The following DNAJC1 variants were observed in gnomAD, a reference collection of about 807,000 sequenced individuals.
DNAJC1 encodes the protein DnaJ heat shock protein family (Hsp40) member C1, also known as dnaJ homolog subfamily C member 1.
DNAJC1 carries 58 observed loss-of-function variants against 76.6 expected under a neutral mutation model. The ratio of observed to expected loss-of-function variants is 0.76; its 90% CI spans 0.61 to 0.94. The LOEUF (loss-of-function observed/expected upper bound fraction) is 0.94, where lower values mean the gene tolerates loss of function less well. Ranked by LOEUF, DNAJC1 falls within the 40% of genes least tolerant of loss-of-function variation. The pLI, the probability that DNAJC1 is intolerant of heterozygous loss-of-function variation, is 0.00. For synonymous variants in DNAJC1, 258 were observed against 267.9 expected, an observed-to-expected ratio of 0.96 and a Z score of 0.36; for missense variants, 689 against 677.3, an observed-to-expected ratio of 1.02 and a Z score of -0.19.
chr10:21,856,630 A>T (rs1156672854), intron 8 of DNAJC1, among the ~76,000 whole-genome samples: 1 of 152,084 alleles, frequency 6.6e-6, no homozygotes, highest in Admixed American at 6.6e-5. Context: ...CAACACACTC[A>T]TGGTATATTC....
At chr10:21,910,291 T>C (rs1836833278) in intron 6 of DNAJC1, among the ~76,000 whole-genome samples, 1 of 152,074 alleles carries the variant, frequency 6.6e-6, no homozygotes, top group Non-Finnish European at 1.5e-5. Context: ...AATATTTATA[T>C]TTTTAGTAAG....
chr10:21,810,137 G>A (rs1418110844), intron 8 of DNAJC1, among the ~76,000 whole-genome samples: 1 of 151,916 alleles, frequency 6.6e-6, no homozygotes, highest in African/African-American at 2.4e-5. Flanking sequence ...TGAATTTGGG[G>A]GCACACAATT....
At chr10:21,941,286 A>AAG (rs1554898754) in intron 1 of DNAJC1, among the ~76,000 whole-genome samples, 6 of 149,548 alleles carry the variant, frequency 4.0e-5, no homozygotes, top group Non-Finnish European at 7.4e-5. Context: ...AAAAAAAAAA[A>AAG]AAAAAACAGA....
intron 8 of DNAJC1, among the ~76,000 whole-genome samples, chr10:21,809,561 T>A (rs995981543): frequency 1.3e-5 from 2 of 151,206 alleles, no homozygotes; most frequent in Admixed American, 1.3e-4. Context: ...TAGATATACA[T>A]AACACATTAG....
At chr10:21,968,291 T>C (rs971634300) in intron 1 of DNAJC1, among the ~76,000 whole-genome samples, 3 of 152,194 alleles carry the variant, frequency 2.0e-5, no homozygotes, top group Non-Finnish European at 2.9e-5. Flanking sequence ...TTAAGCAGTG[T>C]ATTTTACATA....
chr10:21,885,389 T>C (rs1044087785), intron 7 of DNAJC1, among the ~76,000 whole-genome samples: 1 of 152,184 alleles, frequency 6.6e-6, no homozygotes, highest in Non-Finnish European at 1.5e-5. Flanking sequence ...ACATTAATAG[T>C]TGAAGACTTC....
intron 1 of DNAJC1, among the ~76,000 whole-genome samples, chr10:21,985,644 T>C (rs1165010548): frequency 6.6e-6 from 1 of 152,226 alleles, no homozygotes; most frequent in Non-Finnish European, 1.5e-5. Context: ...ATCCTTTCAC[T>C]TAACATAATG....
chr10:21,787,392 GAAGAA>G (rs931208616), intron 9 of DNAJC1, among the ~76,000 whole-genome samples: 28 of 151,744 alleles, frequency 1.8e-4, no homozygotes, highest in African/African-American at 6.8e-4. Flanking sequence ...AAAGAAGAAA[GAAGAA>G]AAGAAGGAAG....
chr10:21,932,988 T>C (rs766010035), intron 1 of DNAJC1, among the ~76,000 whole-genome samples: 1 of 152,106 alleles, frequency 6.6e-6, no homozygotes, highest in African/African-American at 2.4e-5. Flanking sequence ...TCTATAAGTA[T>C]AGAAAAAAGC....
At chr10:21,847,493 G>A (rs959153895) in intron 8 of DNAJC1, among the ~76,000 whole-genome samples, 3 of 152,014 alleles carry the variant, frequency 2.0e-5, no homozygotes, top group African/African-American at 7.2e-5. Context: ...ACAAATTACT[G>A]TTAACTATGG....
intron 8 of DNAJC1, among the ~76,000 whole-genome samples, chr10:21,851,563 G>A (rs1255892382): frequency 7.2e-5 from 11 of 152,152 alleles, no homozygotes. Context: ...CGGCTGCAGT[G>A]GAAAACAGGT....
intron 8 of DNAJC1, among the ~76,000 whole-genome samples, chr10:21,847,567 A>C (rs948932027): frequency 6.6e-6 from 1 of 152,116 alleles, no homozygotes; most frequent in Non-Finnish European, 1.5e-5. Context: ...GCAACCGCTA[A>C]CCAGCCTCTC....
At chr10:21,929,726 T>C (rs1837190157) in intron 1 of DNAJC1, among the ~76,000 whole-genome samples, 1 of 152,180 alleles carries the variant, frequency 6.6e-6, no homozygotes, top group Non-Finnish European at 1.5e-5. Flanking sequence ...ATTTACTTAG[T>C]ACTTTAAAGG....
intron 6 of DNAJC1, 69 bp from the exon 7 acceptor site, chr10:21,904,681 C>CT (rs1836714585): frequency 9.9e-7 from 1 of 1,007,816 alleles, no homozygotes; most frequent in Non-Finnish European, 1.5e-6. Context: ...TTCCATGTAA[C>CT]TTAACTTTAA....
intron 6 of DNAJC1, among the ~76,000 whole-genome samples, chr10:21,909,935 T>C (rs530886735): frequency 4.6e-5 from 7 of 152,156 alleles, no homozygotes; most frequent in Non-Finnish European, 1.0e-4. Context: ...GGTCTATCAG[T>C]CTACCGTGAT....
intron 1 of DNAJC1, among the ~76,000 whole-genome samples, chr10:21,992,974 C>T (rs1414273054): frequency 6.6e-6 from 1 of 152,174 alleles, no homozygotes; most frequent in Non-Finnish European, 1.5e-5. Context: ...GATTTCGTCT[C>T]TATCTAAATT....
chr10:21,978,410 T>A (rs1432391820), intron 1 of DNAJC1, among the ~76,000 whole-genome samples: 1 of 152,130 alleles, frequency 6.6e-6, no homozygotes, highest in Non-Finnish European at 1.5e-5. Context: ...GATTAGCAAG[T>A]GAAAAGATTG....
At position 21,759,441 on chromosome 10, in the gene DNAJC1, G is replaced by A; in HGVS notation, c.1325C>T (p.Pro442Leu). ...EQETGATDAR[P>L]RRRKPARLLE... ...CAGCCTGGCTGGCTTCCGCCTCCGA[G>A]GCCGGGCATCAGTGGCCCCGGTCTC... Residue 442 changes from proline (P) to leucine (L), a missense_variant, in exon 11 of 12, where the codon CCT becomes CTT. By Grantham distance (98) the Pro-to-Leu change is moderately conservative. Coordinates refer to ENST00000376980, the MANE Select transcript of DNAJC1 (RefSeq NM_022365.4). The A allele has an allele frequency of 1.2e-6, 2 of 1,614,138 alleles. No individual in the cohort carries two copies. The highest frequency in any genetic ancestry group is 1.1e-5 in the South Asian group (1 of 91,080).
chr10:21,895,610 C>G (rs962370571), intron 7 of DNAJC1, among the ~76,000 whole-genome samples: 2 of 152,060 alleles, frequency 1.3e-5, no homozygotes, highest in African/African-American at 4.8e-5. Flanking sequence ...AAATTCTCAG[C>G]CTGGTCAGGT....
Sources: gnomAD v4.1 joint callset for allele counts (sites outside exome capture counted in the v4.1 genomes callset) on GRCh38, gnomAD v4.1.1 for gene constraint, MANE v1.5 for transcripts, NCBI Gene and HGNC (gene_info 2026-07-23, HGNC 2026-07-21) for gene names.